The following BLNK variants were observed in gnomAD, a reference collection of about 807,000 sequenced individuals.
BLNK encodes the protein B cell linker, also known as B-cell linker protein.
In BLNK, 29 loss-of-function variants were observed where a neutral mutation model predicts 73.5. The observed-to-expected ratio is 0.39, with a 90% CI of 0.29 to 0.54. The LOEUF (loss-of-function observed/expected upper bound fraction) is 0.54. BLNK is among the 20% of genes least tolerant of loss of function. The pLI, the probability that BLNK is intolerant of heterozygous loss-of-function variation, is 0.61. For synonymous variants in BLNK, 176 were observed against 200.8 expected (o/e 0.88, Z 1.04); for missense variants, 460 against 562.8 (o/e 0.82, Z 1.85).
chr10:96,240,227 C>T (rs1842840786), intron 3 of BLNK, among the ~76,000 whole-genome samples: 1 of 152,134 alleles, frequency 6.6e-6, no homozygotes, highest in African/African-American at 2.4e-5. Flanking sequence ...GTATGTTGTT[C>T]CCCACTCCAG....
intron 3 of BLNK, among the ~76,000 whole-genome samples, chr10:96,231,446 C>G (rs59532915): frequency 6.6e-6 from 1 of 152,178 alleles, no homozygotes; most frequent in Non-Finnish European, 1.5e-5. Context: ...GGCGTTGGGG[C>G]TTATGCCTGT....
At position 96,189,401 on chromosome 10, in the gene BLNK, C is replaced by T. The variant is rs1273471773; in HGVS notation, c.*2572G>A. 9 of 591,376 alleles carry T rather than the reference C, an allele frequency of 1.5e-5. No homozygotes were observed. In the East Asian group the frequency reaches 3.2e-4, roughly 21 times the overall value. The allele number at this position is 591,376 out of a possible 1,614,324, so 36.6% of individuals were successfully genotyped here. ...CACTGCCAGGATCTTGAATAGTCTCCTGGTCAGTTGTCCGGAAGCAATTCT... is the reference window on the plus strand; with the variant it reads ...CACTGCCAGGATCTTGAATAGTCTCTTGGTCAGTTGTCCGGAAGCAATTCT... On this transcript the variant is annotated 3_prime_UTR_variant, in exon 17 of 17. Coordinates refer to ENST00000224337, the MANE Select transcript of BLNK (RefSeq NM_013314.4).
Position 96,208,010 on chromosome 10 carries a change from T to C in BLNK, c.747-111A>G, listed in dbSNP as rs888619829. 23 of 1,156,428 alleles carry C rather than the reference T, an allele frequency of 2.0e-5. No individual in the cohort carries two copies. The African/African-American group carries it at 3.2e-4, about 16-fold the overall frequency. The allele number at this position is 1,156,428 out of a possible 1,614,324, so 71.6% of individuals were successfully genotyped here. A position where few individuals can be genotyped will look rare whatever the true frequency, so the allele number is the denominator to read the frequency against. On this transcript the variant is annotated intron_variant, in intron 9 of 16. Coordinates refer to ENST00000224337, the MANE Select transcript of BLNK (RefSeq NM_013314.4). ...GCTAGAATTATGAAAGCGATACAAG[T>C]GTGTAGAAGACTATCCTTGCAGGGT...
intron 3 of BLNK, among the ~76,000 whole-genome samples, chr10:96,242,493 T>C (rs781920500): frequency 4.6e-5 from 7 of 152,264 alleles, no homozygotes; most frequent in Non-Finnish European, 7.3e-5. Flanking sequence ...CAGATCTGTG[T>C]GTGCCTGGCA....
Position 96,189,367 on chromosome 10 carries a change from G to T in BLNK, c.*2606C>A. The T allele has an allele frequency of 1.8e-6, 1 of 569,420 alleles. No individual in the cohort carries two copies. Among genetic ancestry groups the T allele is most frequent in the South Asian group, 1.4e-5 (1 of 69,240 alleles). The allele number at this position is 569,420 out of a possible 1,614,324, so 35.3% of individuals were successfully genotyped here. The stretch of plus-strand genomic sequence containing the variant: ...AATTGTTTAAACTATTTTCTAAAGA[G>T]ACTTCCTCCACTGCCAGGATCTTGA... On this transcript the variant is annotated 3_prime_UTR_variant, in exon 17 of 17. Coordinates refer to ENST00000224337, the MANE Select transcript of BLNK (RefSeq NM_013314.4).
At chr10:96,228,563 T>G (rs1475399724) in intron 4 of BLNK, among the ~76,000 whole-genome samples, 1 of 152,178 alleles carries the variant, frequency 6.6e-6, no homozygotes, top group African/African-American at 2.4e-5. Flanking sequence ...GGCCTGTTTT[T>G]TTAAAATCCA....
intron 3 of BLNK, among the ~76,000 whole-genome samples, chr10:96,232,683 G>C (rs1245412796): frequency 1.3e-5 from 2 of 152,228 alleles, no homozygotes; most frequent in East Asian, 1.9e-4. Flanking sequence ...TCTTTGGGTT[G>C]ACTAATGCTG....
chr10:96,221,848 G>T (rs587605902), intron 6 of BLNK, among the ~76,000 whole-genome samples: 2 of 152,320 alleles, frequency 1.3e-5, no homozygotes, highest in Non-Finnish European at 2.9e-5. Flanking sequence ...GTAGGTAATA[G>T]TAAGAAGGAG....
intron 3 of BLNK, among the ~76,000 whole-genome samples, chr10:96,233,592 G>A (rs140091457): frequency 1.3e-5 from 2 of 152,248 alleles, no homozygotes; most frequent in Non-Finnish European, 1.5e-5. Context: ...CTGATTCTCT[G>A]CTCTGCTCGT....
chr10:96,207,935 C>T (rs2133978794), intron 9 of BLNK, 36 bp from the exon 10 acceptor site: 2 of 1,605,772 alleles, frequency 1.2e-6, no homozygotes, highest in South Asian at 1.1e-5. Flanking sequence ...TGTTAAAACA[C>T]AACGAAGACA....
intron 1 of BLNK, among the ~76,000 whole-genome samples, chr10:96,248,927 C>T (rs2134098640): frequency 6.6e-6 from 1 of 151,336 alleles, no homozygotes; most frequent in Admixed American, 6.6e-5. Flanking sequence ...TTTGTATTAT[C>T]TGTGTTATAC....
At chr10:96,252,100 G>T (rs1243986425) in intron 1 of BLNK, among the ~76,000 whole-genome samples, 1 of 152,136 alleles carries the variant, frequency 6.6e-6, no homozygotes, top group Non-Finnish European at 1.5e-5. Flanking sequence ...TGCCCAGGCT[G>T]GGGTGCAATG....
At chr10:96,213,743 G>A (rs587725147) in intron 8 of BLNK, among the ~76,000 whole-genome samples, 1 of 152,312 alleles carries the variant, frequency 6.6e-6, no homozygotes, top group African/African-American at 2.4e-5. Context: ...TTATTTATTT[G>A]TTAAAGGTTT....
chr10:96,204,747 A>T lies in BLNK; in HGVS notation c.818-131T>A, dbSNP rs2083750738. The T allele has an allele frequency of 2.2e-5, 17 of 778,514 alleles. No individual in the cohort carries two copies. In the South Asian group the frequency reaches 2.5e-4, roughly 11 times the overall value. 48.2% of individuals were successfully genotyped at this position (778,514 alleles called of 1,614,324 possible). On this transcript the variant is annotated intron_variant, in intron 11 of 16. Coordinates refer to ENST00000224337, the MANE Select transcript of BLNK (RefSeq NM_013314.4). ...CCGGGAACATGTCTTAGTTACTGAG[A>T]TGTCATGGATCTGTGCACTTGCCAG...
intron 3 of BLNK, among the ~76,000 whole-genome samples, chr10:96,236,130 TAGG>T (rs1842681137): frequency 6.6e-6 from 1 of 152,060 alleles, no homozygotes; most frequent in Non-Finnish European, 1.5e-5. Context: ...TCTGAGTCAA[TAGG>T]AGCACCAGAG....
chr10:96,267,342 G>T (rs1273213594), intron 1 of BLNK, among the ~76,000 whole-genome samples: 5 of 152,170 alleles, frequency 3.3e-5, no homozygotes, highest in African/African-American at 1.2e-4. Context: ...AACCTGCAGG[G>T]TGTGGTAGGT....
At chr10:96,250,293 C>T (rs782129678) in intron 1 of BLNK, among the ~76,000 whole-genome samples, 15 of 152,032 alleles carry the variant, frequency 9.9e-5, no homozygotes, top group Non-Finnish European at 2.1e-4. Context: ...TACTCTATGC[C>T]AAACCCTTTT....
Position 96,227,455 on chromosome 10 carries a change from T to TG in BLNK, c.315dup (p.Arg106GlnfsTer34). ...AAGGGCAGGGCTGGGTGAACCGGCC[T>TG]GGTTTCCTGCTCTACTGGAGGCGGC... On this transcript the variant is annotated frameshift_variant, in exon 5 of 17. Coordinates refer to ENST00000224337, the MANE Select transcript of BLNK (RefSeq NM_013314.4). LOFTEE classifies it high-confidence loss of function. 6.2e-7 allele frequency: 1 copy of TG among 1,614,232 alleles called. No homozygotes were observed. The highest frequency in any genetic ancestry group is 8.5e-7 in the Non-Finnish European group (1 of 1,180,046).
intron 3 of BLNK, among the ~76,000 whole-genome samples, chr10:96,236,987 G>A (rs1368985920): frequency 2.6e-5 from 4 of 152,172 alleles, no homozygotes; most frequent in Non-Finnish European, 5.9e-5. Flanking sequence ...GAGTCACTTT[G>A]CCTCTCTGGT....
Sources: gnomAD v4.1 joint callset for allele counts (sites outside exome capture counted in the v4.1 genomes callset) on GRCh38, gnomAD v4.1.1 for gene constraint, MANE v1.5 for transcripts, NCBI Gene and HGNC (gene_info 2026-07-23, HGNC 2026-07-21) for gene names.